Variants in SEPTIN10 observed in about 807,000 individuals in gnomAD.
SEPTIN10 encodes septin 10, also known as septin-10.
A neutral mutation model predicts 54.8 loss-of-function variants in SEPTIN10; 66 were observed. That is an observed-to-expected ratio of 1.21 (90% CI 0.99 to 1.48). The LOEUF is 1.48. Ranked by LOEUF, SEPTIN10 falls within the 40% of genes most tolerant of loss-of-function variation. The pLI is 0.00. For missense variants in SEPTIN10, 620 were observed against 545.6 expected (o/e 1.14, Z -1.36); for synonymous variants, 161 against 181.0 (o/e 0.89, Z 0.89).
Position 109,564,468 on chromosome 2 carries a change from T to C in SEPTIN10, c.926A>G (p.Asp309Gly). 2 of 1,589,884 alleles carry C rather than the reference T, an allele frequency of 1.3e-6. No homozygotes were observed. The highest frequency in any genetic ancestry group is 1.7e-6 in the Non-Finnish European group (2 of 1,164,844). ...CCTGGTATGGGTCTGCTCTCGCAGG[T>C]CCTCCATATTTGTACAAATGAGCAT... ...REMLICTNME[D>G]LREQTHTRHY... The change falls in exon 8 of 11, where the codon GAC becomes GGC. Residue 309 changes from aspartate to glycine, a missense_variant. Asp to Gly is a moderately conservative substitution (Grantham distance 94). Transcript: ENST00000397712.
intron 8 of SEPTIN10, 119 bp from the exon 9 acceptor site, chr2:109,553,338 A>C: frequency 1.1e-6 from 1 of 927,352 alleles, no homozygotes; most frequent in South Asian, 1.7e-5. Flanking sequence ...TAAGGTCAGG[A>C]GTCCAAGACC....
At position 109,567,797 on chromosome 2, in the gene SEPTIN10, A is replaced by G; in HGVS notation, c.762+18T>C. 6.5e-7 allele frequency: 1 copy of G among 1,549,382 alleles called. No homozygotes were observed. The highest frequency in any genetic ancestry group is 8.7e-7 in the Non-Finnish European group (1 of 1,146,588). ...TTTTCACATGGAAAACAGAATTAAC[A>G]TTCAATCAGGAGCTCACATTCATTG... On this transcript the variant is annotated intron_variant, in intron 6 of 10. Coordinates refer to ENST00000397712, the MANE Select transcript of SEPTIN10 (RefSeq NM_144710.5).
Position 109,611,798 on chromosome 2 carries a change from A to G in SEPTIN10, c.30+2000T>C, listed in dbSNP as rs77600441. 1.2e-3 allele frequency among the ~76,000 whole-genome samples: 185 copies of G among 152,318 alleles called. 1 individual carries two copies. The highest frequency in any genetic ancestry group is 3.0e-3 in the Admixed American group (46 of 15,296). On this transcript the variant is annotated intron_variant, in intron 1 of 10. Transcript: ENST00000397712. ...CACCATGAGGTGTCACTATATACCTATAAGAATGGCTAAATTAAAAATAAG... is the reference window on the plus strand; with the variant it reads ...CACCATGAGGTGTCACTATATACCTGTAAGAATGGCTAAATTAAAAATAAG...
intron 5 of SEPTIN10, among the ~76,000 whole-genome samples, chr2:109,571,829 T>C (rs1688469463): frequency 6.6e-6 from 1 of 152,198 alleles, no homozygotes; most frequent in Non-Finnish European, 1.5e-5. Flanking sequence ...CAAGTGCTCA[T>C]TAGCTCTTCC....
chr2:109,550,484 T>C (rs1682650292), intron 9 of SEPTIN10, among the ~76,000 whole-genome samples: 2 of 151,768 alleles, frequency 1.3e-5, no homozygotes, highest in South Asian at 2.1e-4. Context: ...TGGCTAATTT[T>C]TGTATTTTTA....
intron 9 of SEPTIN10, among the ~76,000 whole-genome samples, chr2:109,547,519 T>C (rs898608233): frequency 2.0e-5 from 3 of 152,058 alleles, no homozygotes; most frequent in Non-Finnish European, 2.9e-5. Context: ...ATTTAAAGAA[T>C]ACAATTCAGC....
chr2:109,553,684 C>A (rs1683657099), intron 8 of SEPTIN10, among the ~76,000 whole-genome samples: 1 of 151,898 alleles, frequency 6.6e-6, no homozygotes, highest in African/African-American at 2.4e-5. Context: ...GAAACCCTGT[C>A]TCTACTAAAA....
rs776243459 is a variant in SEPTIN10 at position 109,574,797 on chromosome 2, C to T, written c.414-30G>A. On this transcript the variant is annotated intron_variant, in intron 4 of 10. Transcript: ENST00000397712. ...AAAATTATTTAAATGTTTAATACAACATTATTTGTGCTACCTTAAGATATC... is the reference window on the plus strand; with the variant it reads ...AAAATTATTTAAATGTTTAATACAATATTATTTGTGCTACCTTAAGATATC... The T allele has an allele frequency of 4.7e-6, 7 of 1,483,402 alleles. No individual in the cohort carries two copies. In the South Asian group the frequency reaches 8.5e-5, roughly 18 times the overall value. 91.9% of individuals were successfully genotyped at this position (1,483,402 alleles called of 1,614,324 possible).
intron 6 of SEPTIN10, 96 bp downstream of exon 6, chr2:109,567,719 A>G: frequency 8.4e-7 from 1 of 1,193,058 alleles, no homozygotes. Context: ...TCTTTTTGGA[A>G]GACACAAGTG....
chr2:109,553,010 A>T, intron 9 of SEPTIN10, 77 bp downstream of exon 9: 1 of 1,538,308 alleles, frequency 6.5e-7, no homozygotes, highest in South Asian at 1.3e-5. Flanking sequence ...GTCTCAAGCA[A>T]ATTCTTGGAA....
intron 5 of SEPTIN10, among the ~76,000 whole-genome samples, chr2:109,572,895 A>G (rs1688747933): frequency 6.6e-6 from 1 of 152,188 alleles, no homozygotes; most frequent in Non-Finnish European, 1.5e-5. Context: ...GATTACAGGC[A>G]TGAGCAACCA....
intron 9 of SEPTIN10, among the ~76,000 whole-genome samples, chr2:109,548,918 G>A (rs546532292): frequency 1.3e-5 from 2 of 152,084 alleles, no homozygotes; most frequent in East Asian, 1.9e-4. Flanking sequence ...AGGTTGTCCT[G>A]TGAGCCAGTG....
intron 2 of SEPTIN10, among the ~76,000 whole-genome samples, 167 bp from the exon 3 acceptor site, chr2:109,586,005 C>A (rs1692450971): frequency 1.3e-5 from 2 of 152,032 alleles, no homozygotes; most frequent in Non-Finnish European, 2.9e-5. Context: ...GGAAAAGAAA[C>A]CTGTGTCCAG....
Position 109,553,145 on chromosome 2 carries a change from T to G in SEPTIN10, c.1103A>C (p.Gln368Pro). The change falls in exon 9 of 11, where the codon CAG becomes CCG. Residue 368 changes from glutamine (Q) to proline (P), a missense_variant. Transcript: ENST00000397712. ...CTCCTTTACTCGCTGCACAAACATC[T>G]GTTTCATTTCTTCTTCCTTCCTCTG... ...ERQRKEEEMK[Q>P]MFVQRVKEKE... is the part of the protein sequence containing the mutation. The G allele has an allele frequency of 6.2e-7, 1 of 1,614,070 alleles. No homozygotes were observed. The highest frequency in any genetic ancestry group is 8.5e-7 in the Non-Finnish European group (1 of 1,180,040).
chr2:109,596,383 C>A (rs562921003), intron 1 of SEPTIN10, among the ~76,000 whole-genome samples: 2 of 151,868 alleles, frequency 1.3e-5, no homozygotes, highest in Non-Finnish European at 2.9e-5. Context: ...TTTGGGAGGC[C>A]GAGGTGGGTG....
chr2:109,567,977 C>T lies in SEPTIN10; in HGVS notation c.601-1G>A. On this transcript the variant is annotated splice_acceptor_variant, in intron 5 of 10. Transcript: ENST00000397712. LOFTEE classifies it high-confidence loss of function. ...TGGCAATCACTGGTATAATGTTTACCTATTAAGAATAAAGAAAAACAAAAT... is the reference window on the plus strand; with the variant it reads ...TGGCAATCACTGGTATAATGTTTACTTATTAAGAATAAAGAAAAACAAAAT... 1.3e-6 allele frequency: 2 copies of T among 1,576,852 alleles called. No individual in the cohort carries two copies. The highest frequency in any genetic ancestry group is 2.3e-5 in the South Asian group (2 of 85,270).
intron 5 of SEPTIN10, among the ~76,000 whole-genome samples, chr2:109,572,245 C>T (rs1379971284): frequency 2.6e-5 from 4 of 152,114 alleles, no homozygotes; most frequent in African/African-American, 9.7e-5. Context: ...ATTCTCCTGC[C>T]TCAGTCTCCC....
At chr2:109,607,737 C>G (rs1051400443) in intron 1 of SEPTIN10, among the ~76,000 whole-genome samples, 7 of 151,994 alleles carry the variant, frequency 4.6e-5, no homozygotes, top group Non-Finnish European at 1.0e-4. Flanking sequence ...TTAGTCTTTC[C>G]TCCCCTGACT....
At chr2:109,577,576 A>G (rs1689979760) in intron 4 of SEPTIN10, among the ~76,000 whole-genome samples, 1 of 150,734 alleles carries the variant, frequency 6.6e-6, no homozygotes, top group South Asian at 2.1e-4. Flanking sequence ...TCAGTGACAG[A>G]GTGAGACTCC....
Sources: gnomAD v4.1 joint callset for allele counts (sites outside exome capture counted in the v4.1 genomes callset) on GRCh38, gnomAD v4.1.1 for gene constraint, MANE v1.5 for transcripts, NCBI Gene and HGNC (gene_info 2026-07-23, HGNC 2026-07-21) for gene names.